The following DLK1 variants were observed in gnomAD, a reference collection of about 807,000 sequenced individuals.
DLK1 encodes protein delta homolog 1.
A neutral mutation model predicts 35.2 loss-of-function variants in DLK1; 9 were observed. The observed-to-expected ratio is 0.26, with a 90% CI of 0.15 to 0.45. The LOEUF is 0.45. Among genes scored for constraint, DLK1 ranks in the 20% least tolerant of loss-of-function variants. DLK1 has a pLI of 1.00. For synonymous variants in DLK1, 231 were observed against 228.4 expected (o/e 1.01, Z -0.10); for missense variants, 522 against 528.5 (o/e 0.99, Z 0.12).
intron 2 of DLK1, 167 bp downstream of exon 2, chr14:100,728,626 G>GGT (rs2036467598): frequency 8.5e-6 from 2 of 234,660 alleles, no homozygotes; most frequent in Non-Finnish European, 1.7e-5. Flanking sequence ...GGGGGGGGCG[G>GGT]GGGGGGGGCA....
At position 100,734,585 on chromosome 14, in the gene DLK1, G is replaced by A; in HGVS notation, c.841G>A (p.Glu281Lys). ...GVHELPVQQP[E>K]HRILKVSMKE... ...GCACGAGCTGCCGGTGCAGCAGCCG[G>A]AGCACCGCATCCTGAAGGTGTCCAT... The change falls in exon 5 of 5, where the codon GAG becomes AAG. Residue 281 changes from glutamate to lysine, a missense_variant. Glu to Lys is a moderately conservative substitution (Grantham distance 56). Transcript: ENST00000341267. The surrounding 1 kb of genome is among the most constrained non-coding windows in gnomAD (Gnocchi z 7.4). 1 of 1,613,768 alleles carries A rather than the reference G, an allele frequency of 6.2e-7. No individual in the cohort carries two copies. The highest frequency in any genetic ancestry group is 8.5e-7 in the Non-Finnish European group (1 of 1,180,028).
At position 100,736,499 on chromosome 14, in the gene DLK1, TC is replaced by T. The variant is rs1567023520; in HGVS notation, c.*1604del. The T allele has an allele frequency of 6.6e-6, 1 of 152,120 alleles. No individual in the cohort carries two copies. Among genetic ancestry groups the T allele is most frequent in the Non-Finnish European group, 1.5e-5 (1 of 68,156 alleles). 9.4% of individuals were successfully genotyped at this position (152,120 alleles called of 1,614,324 possible). Reference sequence around the variant, plus strand: ...CCTGCGCCATCGTCATGACACAATATCGACCTCATCACCTCATCGTCCTCCA... The same window carrying T: ...CCTGCGCCATCGTCATGACACAATATGACCTCATCACCTCATCGTCCTCCA... On this transcript the variant is annotated 3_prime_UTR_variant, in exon 5 of 5. Coordinates refer to ENST00000341267, the MANE Select transcript of DLK1 (RefSeq NM_003836.7).
Position 100,732,037 on chromosome 14 carries a change from C to T in DLK1, c.263-5C>T, listed in dbSNP as rs199974171. 1,002 of 1,610,318 alleles carry T rather than the reference C, an allele frequency of 6.2e-4. No individual in the cohort carries two copies. Among genetic ancestry groups the T allele is most frequent in the Non-Finnish European group, 7.8e-4 (920 of 1,177,986 alleles). The stretch of plus-strand genomic sequence containing the variant: ...TAAGTTCTCGTCTTCCCCGTCACCC[C>T]GCAGATGTTCGGGCCTGCTCCTCGG... On this transcript the variant is annotated splice_polypyrimidine_tract_variant and splice_region_variant and intron_variant, in intron 3 of 4. Transcript: ENST00000341267.
At chr14:100,728,811 A>G in intron 2 of DLK1, 125 bp from the exon 3 acceptor site, 1 of 1,291,960 alleles carries the variant, frequency 7.7e-7, no homozygotes, top group Non-Finnish European at 1.1e-6. Context: ...TTTACTTCCC[A>G]GGACCACCGG....
At chr14:100,730,353 G>C (rs1191968624) in intron 3 of DLK1, among the ~76,000 whole-genome samples, 1 of 152,206 alleles carries the variant, frequency 6.6e-6, no homozygotes, top group East Asian at 1.9e-4. Context: ...CACCCTTGCT[G>C]AAATTTTCCG....
At chr14:100,731,895 C>G (rs1468455896) in intron 3 of DLK1, 147 bp from the exon 4 acceptor site, 7 of 999,972 alleles carry the variant, frequency 7.0e-6, no homozygotes, top group Non-Finnish European at 6.9e-6. Context: ...TTACTCACTT[C>G]ATGGGTTTTT....
At chr14:100,727,906 G>A (rs1211984037) in intron 1 of DLK1, among the ~76,000 whole-genome samples, 1 of 152,074 alleles carries the variant, frequency 6.6e-6, no homozygotes, top group Non-Finnish European at 1.5e-5. Flanking sequence ...GCTTAATAGG[G>A]ATGAACCTTA....
rs2036568455 is a variant in DLK1, at chr14:100,735,998, C to G, written c.*1102C>G. On this transcript the variant is annotated 3_prime_UTR_variant, in exon 5 of 5. Transcript: ENST00000341267. ...ATCTGAGCAGCAACACAGCCCTCACCAAGGTTTTCACAGGGATTAGTGGAA... is the reference window on the plus strand; with the variant it reads ...ATCTGAGCAGCAACACAGCCCTCACGAAGGTTTTCACAGGGATTAGTGGAA... 6.6e-6 allele frequency: 1 copy of G among 152,094 alleles called. No homozygotes were observed. Among genetic ancestry groups the G allele is most frequent in the South Asian group, 2.1e-4 (1 of 4,824 alleles). The allele number at this position is 152,094 out of a possible 1,614,324, so 9.4% of individuals were successfully genotyped here.
At chr14:100,731,436 T>A (rs1051195375) in intron 3 of DLK1, among the ~76,000 whole-genome samples, 2 of 152,190 alleles carry the variant, frequency 1.3e-5, no homozygotes, top group Non-Finnish European at 2.9e-5. Context: ...CAGGGACCCC[T>A]TGAGTTCAGA....
At position 100,735,632 on chromosome 14, in the gene DLK1, G is replaced by C. The variant is rs2036564336; in HGVS notation, c.*736G>C. The C allele has an allele frequency of 1.3e-5, 2 of 152,190 alleles. No homozygotes were observed. Among genetic ancestry groups the C allele is most frequent in the Admixed American group, 1.3e-4 (2 of 15,280 alleles). The allele number at this position is 152,190 out of a possible 1,614,324, so 9.4% of individuals were successfully genotyped here. A position where few individuals can be genotyped will look rare whatever the true frequency, so the allele number is the denominator to read the frequency against. ...AAAACTCTGAATTAGGAACGAGGGG[G>C]TATGAACCAAAACACTTCCTGACCC... On this transcript the variant is annotated 3_prime_UTR_variant, in exon 5 of 5. Coordinates refer to ENST00000341267, the MANE Select transcript of DLK1 (RefSeq NM_003836.7).
Position 100,728,988 on chromosome 14 carries a change from G to T in DLK1, c.184G>T (p.Gly62Cys). The T allele has an allele frequency of 6.2e-7, 1 of 1,614,060 alleles. No individual in the cohort carries two copies. The highest frequency in any genetic ancestry group is 8.5e-7 in the Non-Finnish European group (1 of 1,180,022). Residue 62 changes from glycine to cysteine, a missense_variant, in exon 3 of 5, where the codon GGC (glycine) becomes TGC (cysteine). Gly to Cys is a radical substitution (Grantham distance 159, BLOSUM62 -3). Coordinates refer to ENST00000341267, the MANE Select transcript of DLK1 (RefSeq NM_003836.7). ...TTGTGACCAGTGCGTGACCTCTCCC[G>T]GCTGCCTTCACGGACTCTGTGGAGA... The part of the protein sequence containing the change: ...PLCDQCVTSP[G>C]CLHGLCGEPG...
rs563280590 is a variant in DLK1, at chr14:100,728,708, G to A, written c.132-228G>A. Reference sequence around the variant, plus strand: ...CCACTGCAGGCCACTGCGGCAAAACGCAGCACTCCCCCGGGATCTCGGGGC... The same window carrying A: ...CCACTGCAGGCCACTGCGGCAAAACACAGCACTCCCCCGGGATCTCGGGGC... On this transcript the variant is annotated intron_variant, in intron 2 of 4. Coordinates refer to ENST00000341267, the MANE Select transcript of DLK1 (RefSeq NM_003836.7). 2.2e-4 allele frequency: 147 copies of A among 667,332 alleles called. No individual in the cohort carries two copies. In the African/African-American group the frequency reaches 2.3e-3, roughly 11 times the overall value. The allele number at this position is 667,332 out of a possible 1,614,324, so 41.3% of individuals were successfully genotyped here. A position where few individuals can be genotyped will look rare whatever the true frequency, so the allele number is the denominator to read the frequency against.
At position 100,734,029 on chromosome 14, in the gene DLK1, T is replaced by A; in HGVS notation, c.405-120T>A. ...CTCCCTCGCTCCCTCATTCACCTGA[T>A]GTGTTTTAAGCACCTGCCCCTTAGT... On this transcript the variant is annotated intron_variant, in intron 4 of 4. Transcript: ENST00000341267. The surrounding 1 kb of genome is among the most constrained non-coding windows in gnomAD (Gnocchi z 7.4). 1 of 1,286,656 alleles carries A rather than the reference T, an allele frequency of 7.8e-7. No individual in the cohort carries two copies. Among genetic ancestry groups the A allele is most frequent in the Non-Finnish European group, 1.0e-6 (1 of 966,054 alleles). 79.7% of individuals were successfully genotyped at this position (1,286,656 alleles called of 1,614,324 possible). A position where few individuals can be genotyped will look rare whatever the true frequency, so the allele number is the denominator to read the frequency against.
At chr14:100,728,079 TC>T (rs1421819107) in intron 1 of DLK1, among the ~76,000 whole-genome samples, 2 of 152,098 alleles carry the variant, frequency 1.3e-5, no homozygotes, top group African/African-American at 4.8e-5. Flanking sequence ...ACGGTCCCCG[TC>T]CCCGCTGTTA....
At chr14:100,729,815 CA>C (rs1387112882) in intron 3 of DLK1, among the ~76,000 whole-genome samples, 6 of 152,222 alleles carry the variant, frequency 3.9e-5, no homozygotes, top group East Asian at 3.9e-4. Flanking sequence ...CTGAAGTCCA[CA>C]AAAAAACTCC....
chr14:100,734,508 T>C lies in DLK1; in HGVS notation c.764T>C (p.Val255Ala), dbSNP rs1432665863. 4 of 1,611,056 alleles carry C rather than the reference T, an allele frequency of 2.5e-6. No homozygotes were observed. In the Admixed American group the frequency reaches 6.7e-5, roughly 27 times the overall value. ...VKKRALSPQQ[V>A]TRLPSGYGLA... The stretch of plus-strand genomic sequence containing the variant: ...AAGCGCGCGCTGAGCCCCCAGCAGG[T>C]CACCCGTCTGCCCAGCGGCTATGGG... Residue 255 changes from valine (V) to alanine (A), a missense_variant, in exon 5 of 5, where the codon GTC becomes GCC. Physicochemically the swap from Val to Ala is moderately conservative, Grantham distance 64. Transcript: ENST00000341267. This position sits in a 1 kb window ranked among gnomAD's most constrained non-coding sequence, Gnocchi z 7.4.
At position 100,734,222 on chromosome 14, in the gene DLK1, C is replaced by G. The variant is rs755214846; in HGVS notation, c.478C>G (p.Pro160Ala). 3.3e-5 allele frequency: 54 copies of G among 1,613,352 alleles called. No homozygotes were observed. In the South Asian group the frequency reaches 4.9e-4, roughly 15 times the overall value. ...RASHASCLCP[P>A]GFSGNFCEIV... ...CTCCCATGCCTCCTGCCTGTGCCCC[C>G]CTGGCTTCTCAGGCAATTTCTGCGA... The change falls in exon 5 of 5, where the codon CCT becomes GCT. Residue 160 changes from proline (P) to alanine (A), a missense_variant. Physicochemically the swap from Pro to Ala is conservative, Grantham distance 27 (BLOSUM62 -1). Coordinates refer to ENST00000341267, the MANE Select transcript of DLK1 (RefSeq NM_003836.7). The surrounding 1 kb of genome is among the most constrained non-coding windows in gnomAD (Gnocchi z 7.4).
intron 3 of DLK1, among the ~76,000 whole-genome samples, chr14:100,730,741 G>A (rs1259393428): frequency 3.3e-5 from 5 of 152,314 alleles, no homozygotes; most frequent in African/African-American, 4.8e-5. Context: ...ACGCGGAGGC[G>A]CCACGTGCTA....
Position 100,728,629 on chromosome 14 carries a change from G to GA in DLK1, c.131+170_131+171insA, listed in dbSNP as rs1449211319. ...AGCTGGGGAGATGGGGGGGGCGGGG[G>GA]GGGGGCAGCCACAGCTCCTGTCTGC... On this transcript the variant is annotated intron_variant, in intron 2 of 4. Coordinates refer to ENST00000341267, the MANE Select transcript of DLK1 (RefSeq NM_003836.7). 2.4e-5 allele frequency: 6 copies of GA among 253,368 alleles called. 1 individual carries two copies. Among genetic ancestry groups the GA allele is most frequent in the African/African-American group, 1.1e-4 (4 of 36,896 alleles). The allele number at this position is 253,368 out of a possible 1,614,324, so 15.7% of individuals were successfully genotyped here.
Sources: allele counts gnomAD v4.1 joint callset (sites outside exome capture counted in the v4.1 genomes callset), GRCh38; gene constraint gnomAD v4.1.1; non-coding constraint Gnocchi (gnomAD v3.1); transcripts MANE v1.5; gene names NCBI Gene and HGNC (gene_info 2026-07-23, HGNC 2026-07-21).